INPP5A: variants seen among roughly 807,000 people sequenced by gnomAD.
INPP5A encodes inositol polyphosphate-5-phosphatase A.
Under a neutral mutation model 65.2 loss-of-function variants are expected in INPP5A, and 14 were observed. The observed-to-expected ratio is 0.21, with a 90% CI of 0.14 to 0.34. INPP5A has a LOEUF of 0.34. INPP5A is among the 10% of genes least tolerant of loss of function. The pLI is 1.00. For synonymous variants in INPP5A, 207 were observed against 208.3 expected, an observed-to-expected ratio of 0.99 and a Z score of 0.05; for missense variants, 431 against 545.6, an observed-to-expected ratio of 0.79 and a Z score of 2.09.
chr10:132,635,350 T>C (rs1354375849), intron 2 of INPP5A, among the ~76,000 whole-genome samples: 1 of 151,640 alleles, frequency 6.6e-6, no homozygotes, highest in African/African-American at 2.4e-5. Context: ...TGGCATTCCA[T>C]TTTTATTTCT....
chr10:132,564,852 G>A (rs982608227), intron 1 of INPP5A, among the ~76,000 whole-genome samples: 15 of 152,048 alleles, frequency 9.9e-5, no homozygotes, highest in African/African-American at 3.6e-4. Context: ...CATGCAGCAC[G>A]TGTCTGTTGC....
chr10:132,710,311 C>T (rs770870767), intron 7 of INPP5A, 26 bp from the exon 8 acceptor site: 32 of 1,611,770 alleles, frequency 2.0e-5, no homozygotes, highest in East Asian at 6.7e-5. Context: ...CCCTTGGTGA[C>T]GTGTCCTTTT....
intron 8 of INPP5A, among the ~76,000 whole-genome samples, chr10:132,721,362 C>T (rs547622847): frequency 3.4e-5 from 5 of 146,450 alleles, no homozygotes; most frequent in South Asian, 2.2e-4. Context: ...TTTCTGGGGG[C>T]GCCTTAGACA....
chr10:132,776,076 G>A (rs764616396), intron 12 of INPP5A, among the ~76,000 whole-genome samples: 36 of 152,120 alleles, frequency 2.4e-4, no homozygotes, highest in Admixed American at 4.6e-4. Flanking sequence ...TCGTGTCCGC[G>A]GTTGGGATCA....
chr10:132,730,217 T>TTCCCTCAGCCCC (rs1433023768), intron 9 of INPP5A, among the ~76,000 whole-genome samples: 1 of 152,246 alleles, frequency 6.6e-6, no homozygotes, highest in African/African-American at 2.4e-5. Context: ...CCTCCTGGTC[T>TTCCCTCAGCCCC]TCCCTCAGCC....
rs911646397 is a variant in INPP5A at position 132,697,307 on chromosome 10, TG to T, written c.371-503del. ...GTGTCCCTGGGCCTGGCCTATCCAC[TG>T]GGGGGTCCAGGAAAGGTGCCAAGCA... On this transcript the variant is annotated intron_variant, in intron 5 of 15. Coordinates refer to ENST00000368594, the MANE Select transcript of INPP5A (RefSeq NM_005539.5). This position sits in a 1 kb window ranked among gnomAD's most constrained non-coding sequence, Gnocchi z 5.6. 6.6e-6 allele frequency among the ~76,000 whole-genome samples: 1 copy of T among 152,208 alleles called. No individual in the cohort carries two copies. The highest frequency in any genetic ancestry group is 1.5e-5 in the Non-Finnish European group (1 of 68,028).
At chr10:132,544,645 C>T (rs1006870348) in intron 1 of INPP5A, among the ~76,000 whole-genome samples, 1 of 152,074 alleles carries the variant, frequency 6.6e-6, no homozygotes, top group Non-Finnish European at 1.5e-5. Context: ...ATCTTGAACA[C>T]CTCCTTACCT....
At position 132,551,063 on chromosome 10, in the gene INPP5A, C is replaced by T. The variant is rs1224086824; in HGVS notation, c.75+12892C>T. Among the ~76,000 whole-genome samples the T allele has an allele frequency of 1.3e-5, 2 of 152,232 alleles. No homozygotes were observed. The highest frequency in any genetic ancestry group is 4.8e-5 in the African/African-American group (2 of 41,472). On this transcript the variant is annotated intron_variant, in intron 1 of 15. Transcript: ENST00000368594. This position sits in a 1 kb window ranked among gnomAD's most constrained non-coding sequence, Gnocchi z 5.3. ...CTTCAGTAGCCACACGCTGCTTGGTCCAGGTTCCTGCCTGAGCCCACTGAG... is the reference window on the plus strand; with the variant it reads ...CTTCAGTAGCCACACGCTGCTTGGTTCAGGTTCCTGCCTGAGCCCACTGAG...
chr10:132,779,983 A>C (rs983954947), intron 13 of INPP5A, among the ~76,000 whole-genome samples: 7 of 152,240 alleles, frequency 4.6e-5, no homozygotes, highest in Admixed American at 4.6e-4. Context: ...TTTGTAAATT[A>C]CCACGCTGCG....
chr10:132,549,281 C>T lies in INPP5A; in HGVS notation c.75+11110C>T, dbSNP rs912203084. On this transcript the variant is annotated intron_variant, in intron 1 of 15. Transcript: ENST00000368594. This position sits in a 1 kb window ranked among gnomAD's most constrained non-coding sequence, Gnocchi z 4.9. ...AGTGGTCACTCTGTGGCTGTCTTTC[C>T]GGGAGCTGCTCAATTCTTCCCATAG... is the stretch of plus-strand genomic sequence containing the variant. 4.6e-5 allele frequency among the ~76,000 whole-genome samples: 7 copies of T among 152,186 alleles called. No individual in the cohort carries two copies. The highest frequency in any genetic ancestry group is 1.9e-4 in the East Asian group (1 of 5,192).
At chr10:132,558,240 G>A (rs558248264) in intron 1 of INPP5A, among the ~76,000 whole-genome samples, 6 of 152,188 alleles carry the variant, frequency 3.9e-5, no homozygotes, top group Non-Finnish European at 8.8e-5. Context: ...GCCACGCAGA[G>A]CCGCGACTTC....
intron 1 of INPP5A, among the ~76,000 whole-genome samples, chr10:132,552,795 AG>A (rs2071073003): frequency 7.0e-6 from 1 of 142,978 alleles, no homozygotes; most frequent in Admixed American, 6.9e-5. Context: ...TAGGATAGGG[AG>A]GGAGGACTGG....
intron 3 of INPP5A, among the ~76,000 whole-genome samples, chr10:132,649,699 G>A (rs1207800693): frequency 6.6e-6 from 1 of 152,126 alleles, no homozygotes; most frequent in Non-Finnish European, 1.5e-5. Context: ...GCATGCGTGG[G>A]TAGGGGGATG....
chr10:132,759,564 G>A (rs1405953030), intron 11 of INPP5A, among the ~76,000 whole-genome samples: 2 of 152,074 alleles, frequency 1.3e-5, no homozygotes, highest in East Asian at 3.9e-4. Flanking sequence ...AGCATCGGAA[G>A]TTCCAGTAGG....
At chr10:132,623,862 A>G (rs976248979) in intron 2 of INPP5A, among the ~76,000 whole-genome samples, 1 of 152,256 alleles carries the variant, frequency 6.6e-6, no homozygotes, top group Non-Finnish European at 1.5e-5. Context: ...ACTTCACTGA[A>G]GAAGAGAATA....
intron 9 of INPP5A, among the ~76,000 whole-genome samples, chr10:132,738,553 C>G (rs183248137): frequency 6.6e-6 from 1 of 152,198 alleles, no homozygotes; most frequent in South Asian, 2.1e-4. Flanking sequence ...AGAGGGTGCC[C>G]GGCATGGTGC....
intron 1 of INPP5A, among the ~76,000 whole-genome samples, chr10:132,573,137 G>C (rs2071369376): frequency 7.0e-6 from 1 of 143,458 alleles, no homozygotes; most frequent in South Asian, 2.3e-4. Flanking sequence ...GTTTTGTTGA[G>C]ATGTTGGGGT....
At chr10:132,687,596 C>G (rs1393181305) in intron 4 of INPP5A, among the ~76,000 whole-genome samples, 1 of 152,258 alleles carries the variant, frequency 6.6e-6, no homozygotes, top group East Asian at 1.9e-4. Flanking sequence ...TCATCTCCGT[C>G]CCCTAGACAG....
chr10:132,652,923 A>G (rs1331270004), intron 4 of INPP5A, among the ~76,000 whole-genome samples: 3 of 152,198 alleles, frequency 2.0e-5, no homozygotes, highest in Non-Finnish European at 1.5e-5. Flanking sequence ...CGAAACCGAC[A>G]GGGCTGGGTG....
Sources: allele counts gnomAD v4.1 joint callset (sites outside exome capture counted in the v4.1 genomes callset), GRCh38; gene constraint gnomAD v4.1.1; non-coding constraint Gnocchi (gnomAD v3.1); transcripts MANE v1.5; gene names NCBI Gene and HGNC (gene_info 2026-07-23, HGNC 2026-07-21).